ENOX1: variants seen among roughly 807,000 people sequenced by gnomAD.
ENOX1 encodes the protein ecto-NOX disulfide-thiol exchanger 1.
ENOX1 carries 42 observed loss-of-function variants against 82.5 expected under a neutral mutation model. The observed-to-expected ratio is 0.51, with a 90% CI of 0.40 to 0.66. The LOEUF (loss-of-function observed/expected upper bound fraction) is 0.66, where lower values mean the gene tolerates loss of function less well. Among genes scored for constraint, ENOX1 ranks in the 30% least tolerant of loss-of-function variants. ENOX1 has a pLI of 0.00. For missense variants in ENOX1, 608 were observed against 811.6 expected, an observed-to-expected ratio of 0.75 and a Z score of 3.05; for synonymous variants, 271 against 282.2, an observed-to-expected ratio of 0.96 and a Z score of 0.40.
chr13:43,431,477 T>C (rs1249038658), intron 3 of ENOX1, among the ~76,000 whole-genome samples: 2 of 152,178 alleles, frequency 1.3e-5, no homozygotes, highest in African/African-American at 4.8e-5. Flanking sequence ...CTTATTTTCT[T>C]TCTCTCTAGG....
chr13:43,327,550 CAT>C (rs1463789909), intron 9 of ENOX1, among the ~76,000 whole-genome samples: 1 of 152,164 alleles, frequency 6.6e-6, no homozygotes, highest in Non-Finnish European at 1.5e-5. Flanking sequence ...CTAAATTAAT[CAT>C]ATGATTAAAC....
chr13:43,569,091 T>C (rs533879412), intron 2 of ENOX1, among the ~76,000 whole-genome samples: 6 of 152,324 alleles, frequency 3.9e-5, no homozygotes, highest in South Asian at 2.1e-4. Flanking sequence ...AGAAAATCAA[T>C]GGCTGTATAC....
Position 43,434,937 on chromosome 13 carries a change from G to GTTTTTTTTTTTTTTTTTTTTTTTT in ENOX1, c.-74-21973_-74-21950dup, listed in dbSNP as rs537775258. On this transcript the variant is annotated intron_variant, in intron 3 of 16. Transcript: ENST00000690772. Reference sequence around the variant, plus strand: ...CGTGTCTTATTATTGTGTGTGTGTGGTTTTTTTTTTTTTTTTTTTTTTTTT... The same window carrying GTTTTTTTTTTTTTTTTTTTTTTTT: ...CGTGTCTTATTATTGTGTGTGTGTGGTTTTTTTTTTTTTTTTTTTTTTTTTTTTTTTTTTTTTTTTTTTTTTTTT... Among the ~76,000 whole-genome samples the GTTTTTTTTTTTTTTTTTTTTTTTT allele has an allele frequency of 4.0e-5, 3 of 75,910 alleles. 1 individual carries two copies. The highest frequency in any genetic ancestry group is 1.6e-4 in the African/African-American group (3 of 18,760). The allele number at this position is 75,910 out of a possible 152,430, so 49.8% of individuals were successfully genotyped here.
Position 43,574,698 on chromosome 13 carries a change from G to A in ENOX1, c.-218-90546C>T, listed in dbSNP as rs150587209. 4.9e-3 allele frequency among the ~76,000 whole-genome samples: 742 copies of A among 152,248 alleles called. 3 individuals carry two copies. The highest frequency in any genetic ancestry group is 8.3e-3 in the Non-Finnish European group (564 of 68,024). On this transcript the variant is annotated intron_variant, in intron 2 of 16. Transcript: ENST00000690772. Reference sequence around the variant, plus strand: ...GTTTTCCACTTTCATCTCAGTCAGGGCATCTGTGCTATTTTAATCTGCCAT... The same window carrying A: ...GTTTTCCACTTTCATCTCAGTCAGGACATCTGTGCTATTTTAATCTGCCAT...
intron 14 of ENOX1, among the ~76,000 whole-genome samples, chr13:43,249,359 C>T (rs941037360): frequency 3.3e-5 from 5 of 152,180 alleles, no homozygotes; most frequent in East Asian, 1.9e-4. Flanking sequence ...CTCAAGTCCA[C>T]GCCCTTCACA....
At chr13:43,472,395 T>C (rs1237102954) in intron 3 of ENOX1, among the ~76,000 whole-genome samples, 3 of 152,220 alleles carry the variant, frequency 2.0e-5, no homozygotes, top group African/African-American at 7.2e-5. Context: ...TACCATTTAT[T>C]AGGCTCCCTA....
chr13:43,410,549 ATTCT>A (rs1022337434), intron 5 of ENOX1, among the ~76,000 whole-genome samples: 24 of 151,812 alleles, frequency 1.6e-4, no homozygotes, highest in African/African-American at 5.8e-4. Context: ...CCATTTTCAT[ATTCT>A]TTCTTATTAT....
At chr13:43,759,451 G>A (rs898880504) in intron 1 of ENOX1, among the ~76,000 whole-genome samples, 2 of 152,072 alleles carry the variant, frequency 1.3e-5, no homozygotes, top group African/African-American at 4.8e-5. Context: ...TATCCAAAGA[G>A]TCATAGAACC....
chr13:43,669,960 T>C (rs1178472243), intron 1 of ENOX1, among the ~76,000 whole-genome samples: 3 of 152,168 alleles, frequency 2.0e-5, no homozygotes, highest in Non-Finnish European at 4.4e-5. Flanking sequence ...CCCCTGGTTC[T>C]CCCTAAGTGT....
chr13:43,249,179 C>T (rs1013208037), intron 14 of ENOX1, among the ~76,000 whole-genome samples: 3 of 152,088 alleles, frequency 2.0e-5, no homozygotes, highest in Non-Finnish European at 2.9e-5. Flanking sequence ...AAAAAAAATT[C>T]CTTTGTATCC....
At chr13:43,713,103 T>C (rs1397159277) in intron 1 of ENOX1, among the ~76,000 whole-genome samples, 8 of 152,218 alleles carry the variant, frequency 5.3e-5, no homozygotes, top group Non-Finnish European at 8.8e-5. Context: ...ACCTAATTTA[T>C]TGAGAGTTTT....
At chr13:43,360,409 A>G (rs2050423174) in intron 6 of ENOX1, among the ~76,000 whole-genome samples, 1 of 152,200 alleles carries the variant, frequency 6.6e-6, no homozygotes, top group African/African-American at 2.4e-5. Flanking sequence ...CAACATGATG[A>G]AAAACCTCAG....
At chr13:43,619,096 G>GA in intron 2 of ENOX1, among the ~76,000 whole-genome samples, 1 of 151,610 alleles carries the variant, frequency 6.6e-6, no homozygotes, top group Non-Finnish European at 1.5e-5. Context: ...CTTGTATCTG[G>GA]AAACTTCGCT....
chr13:43,729,566 G>C (rs1315065119), intron 1 of ENOX1, among the ~76,000 whole-genome samples: 1 of 152,048 alleles, frequency 6.6e-6, no homozygotes, highest in East Asian at 1.9e-4. Context: ...CTTAAATCTT[G>C]AAAAATAAAT....
rs192060357 is a variant in ENOX1 at position 43,305,805 on chromosome 13, C to G, written c.1262-7275G>C. Reference sequence around the variant, plus strand: ...TCTTGCAAAAGCAGGATAAGTCTGTCATTTAAAACACTGTTGAAGGATGCT... The same window carrying G: ...TCTTGCAAAAGCAGGATAAGTCTGTGATTTAAAACACTGTTGAAGGATGCT... On this transcript the variant is annotated intron_variant, in intron 11 of 16. Transcript: ENST00000690772. Among the ~76,000 whole-genome samples, 9 of 152,320 alleles carry G rather than the reference C, an allele frequency of 5.9e-5. No homozygotes were observed. In the East Asian group the frequency reaches 1.7e-3, roughly 29 times the overall value.
At chr13:43,358,374 G>A (rs765403593) in intron 7 of ENOX1, among the ~76,000 whole-genome samples, 1 of 150,490 alleles carries the variant, frequency 6.6e-6, no homozygotes, top group African/African-American at 2.4e-5. Flanking sequence ...CACAGCATTC[G>A]AGGGATGTGA....
intron 2 of ENOX1, among the ~76,000 whole-genome samples, chr13:43,649,671 T>C (rs1411924462): frequency 6.6e-6 from 1 of 152,146 alleles, no homozygotes; most frequent in Non-Finnish European, 1.5e-5. Flanking sequence ...ATAGCATCAA[T>C]CCATTTTTTC....
intron 5 of ENOX1, among the ~76,000 whole-genome samples, chr13:43,386,750 C>T (rs1356162090): frequency 2.6e-5 from 4 of 152,154 alleles, no homozygotes; most frequent in Admixed American, 6.5e-5. Context: ...TTAATTTTGA[C>T]ACTTCACTCA....
At chr13:43,399,048 C>G (rs1242626545) in intron 5 of ENOX1, among the ~76,000 whole-genome samples, 5 of 151,960 alleles carry the variant, frequency 3.3e-5, no homozygotes, top group Non-Finnish European at 7.4e-5. Context: ...CCTGTCTCGG[C>G]CTCCCAAAGT....
Sources: gnomAD v4.1 joint callset for allele counts (sites outside exome capture counted in the v4.1 genomes callset) on GRCh38, gnomAD v4.1.1 for gene constraint, MANE v1.5 for transcripts, NCBI Gene and HGNC (gene_info 2026-07-23, HGNC 2026-07-21) for gene names.